Variants in COL4A5 observed in about 807,000 individuals in gnomAD.
COL4A5 encodes the protein collagen alpha-5(IV) chain.
A neutral mutation model predicts 130.2 loss-of-function variants in COL4A5; 26 were observed. That is an observed-to-expected ratio of 0.20 (90% CI 0.15 to 0.28). The LOEUF is 0.28. Ranked by LOEUF, COL4A5 falls within the 10% of genes least tolerant of loss-of-function variation. The pLI is 1.00. For synonymous variants in COL4A5, 496 were observed against 439.6 expected (o/e 1.13, Z -1.60); for missense variants, 1,131 against 1,344.3 (o/e 0.84, Z 2.48).
intron 18 of COL4A5, 48 bp downstream of exon 18, chrX:108,584,573 T>A: frequency 9.4e-7 from 1 of 1,065,508 alleles, no homozygotes; most frequent in South Asian, 2.0e-5. Context: ...ATTAATGCAT[T>A]ATCATTTTTG....
chrX:108,691,325 T>C (rs1214632933), intron 49 of COL4A5, among the ~76,000 whole-genome samples: 2 of 111,105 alleles, frequency 1.8e-5, no homozygotes, highest in African/African-American at 6.5e-5. Context: ...CCTGACTTGA[T>C]CACTATGGAT....
At chrX:108,481,229 A>G (rs981653613) in intron 1 of COL4A5, among the ~76,000 whole-genome samples, 2 of 110,698 alleles carry the variant, frequency 1.8e-5, no homozygotes, top group Admixed American at 1.9e-4. Flanking sequence ...GCCAGTGTCC[A>G]GTAGTCCCCG....
intron 1 of COL4A5, among the ~76,000 whole-genome samples, chrX:108,509,025 C>T (rs1040179066): frequency 8.9e-6 from 1 of 112,011 alleles, no homozygotes; most frequent in Admixed American, 9.4e-5. Context: ...ACAAAGACAC[C>T]AAAAGCAATT....
chrX:108,599,261 T>C (rs774550348), intron 25 of COL4A5, among the ~76,000 whole-genome samples: 1 of 111,823 alleles, frequency 8.9e-6, no homozygotes, highest in South Asian at 3.8e-4. Context: ...CTGTCTTGAC[T>C]TTTACATAGT....
intron 1 of COL4A5, among the ~76,000 whole-genome samples, chrX:108,526,599 T>TTC (rs2065316849): frequency 6.9e-4 from 12 of 17,274 alleles, no homozygotes; most frequent in African/African-American, 3.3e-3. Context: ...CTCCCTCCTT[T>TTC]CTTTCTTTCT....
rs981234524 is a variant in COL4A5, at chrX:108,645,999, G to C, written c.3247-9332G>C. 3.6e-5 allele frequency among the ~76,000 whole-genome samples: 4 copies of C among 110,233 alleles called. No individual in the cohort carries two copies. In the South Asian group the frequency reaches 1.2e-3, roughly 32 times the overall value. ...CTATCATTGTTGGACATTTGAGTTG[G>C]TTCCAAGTCTTTGCTATTGTGAATA... On this transcript the variant is annotated intron_variant, in intron 36 of 52. Coordinates refer to ENST00000328300, the MANE Select transcript of COL4A5 (RefSeq NM_033380.3).
chrX:108,695,060 T>A lies in COL4A5; in HGVS notation c.4821+139T>A, dbSNP rs146110142. ...AACAGCTTCTATCCAAGCACTGTGTTCCCCCTCACACATTTTTTGTAACAT... is the reference window on the plus strand; with the variant it reads ...AACAGCTTCTATCCAAGCACTGTGTACCCCCTCACACATTTTTTGTAACAT... On this transcript the variant is annotated intron_variant, in intron 51 of 52. Transcript: ENST00000328300. The A allele has an allele frequency of 4.1e-4, 266 of 656,234 alleles. 4 individuals are homozygous for A. The East Asian group carries it at 8.7e-3, about 22-fold the overall frequency. The allele number at this position is 656,234 out of a possible 1,213,427, so 54.1% of individuals were successfully genotyped here. A position where few individuals can be genotyped will look rare whatever the true frequency, so the allele number is the denominator to read the frequency against.
chrX:108,639,176 C>T (rs971168391), intron 36 of COL4A5, among the ~76,000 whole-genome samples: 2 of 110,923 alleles, frequency 1.8e-5, no homozygotes, highest in South Asian at 3.8e-4. Context: ...GTAATCAAAG[C>T]GGTGTGGTGC....
chrX:108,633,437 A>T (rs1417048582), intron 36 of COL4A5, among the ~76,000 whole-genome samples: 2 of 111,476 alleles, frequency 1.8e-5, no homozygotes, highest in African/African-American at 6.5e-5. Flanking sequence ...CCAAATAAAT[A>T]TCCAGTTGAC....
At chrX:108,497,489 C>A (rs1386966585) in intron 1 of COL4A5, among the ~76,000 whole-genome samples, 1 of 111,136 alleles carries the variant, frequency 9.0e-6, no homozygotes, top group Admixed American at 9.6e-5. Flanking sequence ...CACCAGAGAG[C>A]CTGGTGGGGT....
At chrX:108,644,660 G>T (rs2067537208) in intron 36 of COL4A5, among the ~76,000 whole-genome samples, 1 of 111,644 alleles carries the variant, frequency 9.0e-6, no homozygotes, top group Non-Finnish European at 1.9e-5. Flanking sequence ...AGCACTTTGA[G>T]AGGCCAGTTT....
chrX:108,486,102 C>A (rs1333163717), intron 1 of COL4A5, among the ~76,000 whole-genome samples: 2 of 111,174 alleles, frequency 1.8e-5, no homozygotes, highest in Admixed American at 9.5e-5. Flanking sequence ...GCATTGAATT[C>A]AATGCAACAT....
At chrX:108,678,068 G>A (rs1173245415) in intron 44 of COL4A5, among the ~76,000 whole-genome samples, 2 of 111,587 alleles carry the variant, frequency 1.8e-5, no homozygotes, top group African/African-American at 6.5e-5. Flanking sequence ...TATCTATGAG[G>A]AAAACAGACA....
chrX:108,693,510 GTTTA>G (rs2068671566), intron 50 of COL4A5: 1 of 114,847 alleles, frequency 8.7e-6, no homozygotes, highest in Non-Finnish European at 1.8e-5. Context: ...GTAGTTTAAA[GTTTA>G]TTTGATATGT....
At chrX:108,616,050 C>T (rs748136570) in intron 30 of COL4A5, among the ~76,000 whole-genome samples, 2 of 111,294 alleles carry the variant, frequency 1.8e-5, no homozygotes, top group South Asian at 7.5e-4. Context: ...TTTTATGGTC[C>T]CTGACATGTC....
intron 1 of COL4A5, among the ~76,000 whole-genome samples, chrX:108,488,620 A>G (rs1352086810): frequency 8.9e-6 from 1 of 112,530 alleles, no homozygotes; most frequent in Non-Finnish European, 1.9e-5. Flanking sequence ...CTTTATGAAT[A>G]TGATATGTAA....
At chrX:108,560,626 ATTTTG>A (rs2065886910) in intron 3 of COL4A5, among the ~76,000 whole-genome samples, 1 of 112,825 alleles carries the variant, frequency 8.9e-6, no homozygotes, top group African/African-American at 3.2e-5. Flanking sequence ...TGGAGTTCTC[ATTTTG>A]TTTTATGTAA....
At chrX:108,605,449 GT>G (rs1390255855) in intron 28 of COL4A5, among the ~76,000 whole-genome samples, 3 of 111,669 alleles carry the variant, frequency 2.7e-5, no homozygotes, top group Non-Finnish European at 5.6e-5. Flanking sequence ...TACAGGCACA[GT>G]TTATGGTACC....
intron 2 of COL4A5, among the ~76,000 whole-genome samples, chrX:108,544,601 A>G (rs1339838749): frequency 1.8e-5 from 2 of 111,206 alleles, no homozygotes; most frequent in African/African-American, 3.3e-5. Context: ...AGGCTTTGGT[A>G]TCAGGATGCT....
Sources: allele counts gnomAD v4.1 joint callset (sites outside exome capture counted in the v4.1 genomes callset), GRCh38; gene constraint gnomAD v4.1.1; transcripts MANE v1.5; gene names NCBI Gene and HGNC (gene_info 2026-07-23, HGNC 2026-07-21).